AMOT: variants seen among roughly 807,000 people sequenced by gnomAD.
The protein encoded by AMOT is angiomotin.
In AMOT, 11 loss-of-function variants were observed where a neutral mutation model predicts 67.0. The observed-to-expected ratio is 0.16, with a 90% CI of 0.10 to 0.27. The LOEUF is 0.27. Ranked by LOEUF, AMOT falls within the 10% of genes least tolerant of loss-of-function variation. The pLI is 1.00. For missense variants in AMOT, 753 were observed against 852.0 expected (o/e 0.88, Z 1.45); for synonymous variants, 326 against 321.4 (o/e 1.01, Z -0.15).
rs922595728 is a variant in AMOT at position 112,823,779 on chromosome X, C to T, written c.-62-591G>A. 2.2e-4 allele frequency among the ~76,000 whole-genome samples: 25 copies of T among 112,126 alleles called. No homozygotes were observed. The Admixed American group carries it at 2.4e-3, about 11-fold the overall frequency. On this transcript the variant is annotated intron_variant, in intron 3 of 13. Coordinates refer to ENST00000371959, the MANE Select transcript of AMOT (RefSeq NM_001113490.2). ...GCTCTGAAACATCTTTTTAAAAAAT[C>T]ATTTTCATAGTCTCCATTTTGGATG...
chrX:112,814,018 A>G (rs2147812633), intron 5 of AMOT, among the ~76,000 whole-genome samples: 1 of 111,969 alleles, frequency 8.9e-6, no homozygotes, highest in South Asian at 3.7e-4. Context: ...CACGCCTATA[A>G]TCCCAGCACT....
At chrX:112,797,847 G>A (rs942300026) in intron 8 of AMOT, among the ~76,000 whole-genome samples, 11 of 103,628 alleles carry the variant, frequency 1.1e-4, no homozygotes, top group African/African-American at 3.5e-4. Flanking sequence ...AGGAGAAGAG[G>A]AAGAAGAGAA....
intron 7 of AMOT, among the ~76,000 whole-genome samples, chrX:112,805,584 T>A (rs658735): frequency 0.45 from 49,500 of 110,560 alleles, 11,016 homozygotes; most frequent in African/African-American, 0.88. Context: ...TAAAAGCTCA[T>A]GCCCACCCTT....
intron 10 of AMOT, among the ~76,000 whole-genome samples, chrX:112,787,624 C>T (rs914424702): frequency 9.0e-6 from 1 of 111,139 alleles, no homozygotes; most frequent in African/African-American, 3.3e-5. Context: ...TTCATCAAAC[C>T]GTACGCTTAC....
intron 7 of AMOT, among the ~76,000 whole-genome samples, chrX:112,805,862 T>C (rs192721989): frequency 8.9e-6 from 1 of 112,306 alleles, no homozygotes; most frequent in Non-Finnish European, 1.9e-5. Context: ...AACATCAGGA[T>C]CAGAGGAAGA....
chrX:112,810,071 T>G, intron 6 of AMOT, 85 bp from the exon 7 acceptor site: 1 of 747,631 alleles, frequency 1.3e-6, no homozygotes, highest in South Asian at 2.6e-5. Context: ...TGACCTTTGG[T>G]AAAACAAGCC....
At chrX:112,808,359 TC>T (rs1194197474) in intron 7 of AMOT, among the ~76,000 whole-genome samples, 1 of 111,545 alleles carries the variant, frequency 9.0e-6, no homozygotes, top group Admixed American at 9.5e-5. Flanking sequence ...CGGGCTGCCT[TC>T]TTCTAGGGTT....
Position 112,822,979 on chromosome X carries a change from T to A in AMOT, c.148A>T (p.Ser50Cys). 1.7e-6 allele frequency: 2 copies of A among 1,167,734 alleles called. No individual in the cohort carries two copies. Among genetic ancestry groups the A allele is most frequent in the East Asian group, 3.3e-5 (1 of 30,743 alleles). Residue 50 changes from serine to cysteine, a missense_variant, in exon 4 of 14, where the codon AGT (serine) becomes TGT (cysteine). Physicochemically the swap from Ser to Cys is moderately radical, Grantham distance 112 (BLOSUM62 -1). This residue lies in a region of AMOT where 118 missense variants were observed against 125.9 expected (regional missense o/e 0.94). Coordinates refer to ENST00000371959, the MANE Select transcript of AMOT (RefSeq NM_001113490.2). ...TGAGGGCCCGGGTTCCCACTGCCAC[T>A]GGGGAAAGGAGGGCCATTCCCTGTG... ...QATGNGPPFP[S>C]GSGNPGPQSD...
Position 112,825,141 on chromosome X carries a change from G to A in AMOT, c.-132C>T, listed in dbSNP as rs1263597189. 2 of 111,559 alleles carry A rather than the reference G, an allele frequency of 1.8e-5. No homozygotes were observed. Among genetic ancestry groups the A allele is most frequent in the Non-Finnish European group, 3.8e-5 (2 of 53,121 alleles). 9.2% of individuals were successfully genotyped at this position (111,559 alleles called of 1,213,427 possible). ...GAATTCTTGCTTATGAGCAGCTCCA[G>A]AAACCGCAACGGCAGATTCCCTCTC... On this transcript the variant is annotated 5_prime_UTR_variant, in exon 3 of 14. Coordinates refer to ENST00000371959, the MANE Select transcript of AMOT (RefSeq NM_001113490.2).
chrX:112,823,755 C>T (rs1419228621), intron 3 of AMOT, among the ~76,000 whole-genome samples: 1 of 112,187 alleles, frequency 8.9e-6, no homozygotes, highest in Non-Finnish European at 1.9e-5. Flanking sequence ...TCTCATAAGG[C>T]TCTGAAACAT....
intron 9 of AMOT, among the ~76,000 whole-genome samples, 190 bp from the exon 10 acceptor site, chrX:112,790,972 C>T (rs139626842): frequency 0.022 from 2,455 of 111,482 alleles, 74 homozygotes; most frequent in African/African-American, 0.076. Flanking sequence ...TGTGAGGTTC[C>T]CTTGGCCAGG....
chrX:112,839,160 T>G (rs1935219360), intron 1 of AMOT, among the ~76,000 whole-genome samples: 1 of 112,552 alleles, frequency 8.9e-6, no homozygotes, highest in African/African-American at 3.2e-5. Flanking sequence ...AAGCAATGGG[T>G]TAAGGACATC....
chrX:112,816,211 C>T (rs765666376), intron 4 of AMOT, among the ~76,000 whole-genome samples: 2 of 111,628 alleles, frequency 1.8e-5, no homozygotes, highest in African/African-American at 3.3e-5. Flanking sequence ...ACATTTCAAA[C>T]GATTCTTCTA....
At chrX:112,809,743 C>T in intron 7 of AMOT, 151 bp downstream of exon 7, 1 of 463,098 alleles carries the variant, frequency 2.2e-6, no homozygotes, top group Non-Finnish European at 3.6e-6. Context: ...ACAGAATCTT[C>T]CAACTTCATG....
chrX:112,833,932 C>CA (rs1398149555), intron 1 of AMOT, among the ~76,000 whole-genome samples: 4 of 112,182 alleles, frequency 3.6e-5, no homozygotes, highest in Admixed American at 9.4e-5. Flanking sequence ...TGAAAACAAC[C>CA]AAAATGAGTA....
intron 4 of AMOT, among the ~76,000 whole-genome samples, chrX:112,816,210 A>C (rs1934554776): frequency 9.0e-6 from 1 of 111,415 alleles, no homozygotes; most frequent in Non-Finnish European, 1.9e-5. Flanking sequence ...AACATTTCAA[A>C]CGATTCTTCT....
At chrX:112,821,900 G>A (rs1418323478) in intron 4 of AMOT, among the ~76,000 whole-genome samples, 1 of 112,336 alleles carries the variant, frequency 8.9e-6, no homozygotes, top group Non-Finnish European at 1.9e-5. Flanking sequence ...TAAAGTGCAA[G>A]GTAATTTGCT....
intron 10 of AMOT, among the ~76,000 whole-genome samples, chrX:112,783,180 C>T (rs757633279): frequency 1.3e-3 from 139 of 108,437 alleles, no homozygotes; most frequent in Middle Eastern, 4.7e-3. Flanking sequence ...CTGTAATCCC[C>T]GCTATCTGGG....
intron 10 of AMOT, among the ~76,000 whole-genome samples, chrX:112,785,882 T>C (rs1210288199): frequency 8.9e-6 from 1 of 112,350 alleles, no homozygotes; most frequent in Non-Finnish European, 1.9e-5. Context: ...CTTTGTTCTT[T>C]CGAACTCAAA....
Sources: allele counts gnomAD v4.1 joint callset (sites outside exome capture counted in the v4.1 genomes callset), GRCh38; gene constraint gnomAD v4.1.1; regional missense constraint gnomAD v4.1.1; transcripts MANE v1.5; gene names NCBI Gene and HGNC (gene_info 2026-07-23, HGNC 2026-07-21).